The following MDGA2 variants were observed in gnomAD, a reference collection of about 807,000 sequenced individuals.
The protein encoded by MDGA2 is MAM domain containing glycosylphosphatidylinositol anchor 2, also known as MAM domain-containing glycosylphosphatidylinositol anchor protein 2.
A neutral mutation model predicts 117.8 loss-of-function variants in MDGA2; 40 were observed. That is an observed-to-expected ratio of 0.34 (90% confidence interval 0.26 to 0.44). The LOEUF is 0.44. MDGA2 is among the 20% of genes least tolerant of loss of function. MDGA2 has a pLI of 1.00. For synonymous variants in MDGA2, 452 were observed against 439.0 expected (o/e 1.03, Z -0.37); for missense variants, 1,123 against 1,250.6 (o/e 0.90, Z 1.54).
At chr14:47,013,488 C>A (rs10143474) in intron 8 of MDGA2, among the ~76,000 whole-genome samples, 127,983 of 151,584 alleles carry the variant, frequency 0.84, 54,170 homozygotes, top group East Asian at 0.97. Flanking sequence ...TGAATCCCTC[C>A]TCCATAAGGG....
intron 8 of MDGA2, among the ~76,000 whole-genome samples, chr14:46,990,894 ACACACAC>A (rs1887068368): frequency 1.4e-5 from 2 of 139,156 alleles, no homozygotes; most frequent in African/African-American, 5.5e-5. Context: ...ACACACACAC[ACACACAC>A]CCCGCGTAAG....
At chr14:47,194,415 A>T (rs1885215451) in intron 3 of MDGA2, among the ~76,000 whole-genome samples, 1 of 152,048 alleles carries the variant, frequency 6.6e-6, no homozygotes, top group Admixed American at 6.6e-5. Context: ...ATTGTAGTAA[A>T]TTCACCCATT....
chr14:47,297,320 C>T (rs959387351), intron 2 of MDGA2, among the ~76,000 whole-genome samples: 10 of 151,432 alleles, frequency 6.6e-5, no homozygotes, highest in South Asian at 6.3e-4. Context: ...AAATATCCTA[C>T]TGTTTAAGTC....
rs887090772 is a variant in MDGA2 at position 46,983,465 on chromosome 14, T to C, written c.1820-25822A>G. Among the ~76,000 whole-genome samples, 50 of 152,158 alleles carry C rather than the reference T, an allele frequency of 3.3e-4. 1 individual carries two copies. Among genetic ancestry groups the C allele is most frequent in the Non-Finnish European group, 7.4e-5 (5 of 68,004 alleles). Reference sequence around the variant, plus strand: ...CTTTTCTCTGTCAACCGAAATATTCTATTAATAAAATAATGCCTTTAAGTG... The same window carrying C: ...CTTTTCTCTGTCAACCGAAATATTCCATTAATAAAATAATGCCTTTAAGTG... On this transcript the variant is annotated intron_variant, in intron 8 of 16. Coordinates refer to ENST00000399232, the MANE Select transcript of MDGA2 (RefSeq NM_001113498.3).
chr14:46,984,887 T>C (rs1886808129), intron 8 of MDGA2, among the ~76,000 whole-genome samples: 1 of 152,088 alleles, frequency 6.6e-6, no homozygotes, highest in South Asian at 2.1e-4. Context: ...ATAACAGTCA[T>C]TCTAAATTAT....
intron 2 of MDGA2, among the ~76,000 whole-genome samples, chr14:47,243,750 G>T (rs1887147508): frequency 6.6e-6 from 1 of 151,672 alleles, no homozygotes; most frequent in African/African-American, 2.4e-5. Flanking sequence ...TCACCGCGAG[G>T]GTCCGAGGCT....
rs1454132950 is a variant in MDGA2 at position 47,035,151 on chromosome 14, A to T, written c.1679T>A (p.Met560Lys). ...TGTTCCATCATAACTCTCCATTTGC[A>T]TTGATCCATCAGGCATTGCAACTTC... The part of the protein sequence containing the change: ...DKEVAMPDGS[M>K]QMESYDGTLR... Residue 560 changes from methionine to lysine, a missense_variant, in exon 8 of 17, where the codon ATG becomes AAG. Physicochemically the swap from Met to Lys is moderately conservative, Grantham distance 95 (BLOSUM62 -1). Around this residue, in one of 2 missense-constraint regions of MDGA2, gnomAD observed 890 missense variants for 1,050.3 expected, o/e 0.85. Coordinates refer to ENST00000399232, the MANE Select transcript of MDGA2 (RefSeq NM_001113498.3). 6.2e-7 allele frequency: 1 copy of T among 1,614,124 alleles called. No individual in the cohort carries two copies. The highest frequency in any genetic ancestry group is 1.7e-5 in the Admixed American group (1 of 60,024).
intron 9 of MDGA2, among the ~76,000 whole-genome samples, chr14:46,938,569 A>G (rs567261802): frequency 2.8e-4 from 42 of 150,328 alleles, no homozygotes; most frequent in African/African-American, 9.7e-4. Context: ...AAGAGACATC[A>G]TCTGACCCCA....
At chr14:47,639,372 C>G (rs1175384335) in intron 1 of MDGA2, among the ~76,000 whole-genome samples, 1 of 152,154 alleles carries the variant, frequency 6.6e-6, no homozygotes, top group African/African-American at 2.4e-5. Context: ...AACTCTGTCC[C>G]AGACATAGAT....
intron 2 of MDGA2, among the ~76,000 whole-genome samples, chr14:47,262,974 G>A (rs1156236654): frequency 6.6e-6 from 1 of 152,006 alleles, no homozygotes; most frequent in African/African-American, 2.4e-5. Context: ...TAACATTATT[G>A]TGAGTTTTTT....
chr14:47,276,983 A>T (rs1056249329), intron 2 of MDGA2, among the ~76,000 whole-genome samples: 12 of 152,154 alleles, frequency 7.9e-5, no homozygotes, highest in African/African-American at 2.9e-4. Flanking sequence ...ATACCACACC[A>T]CTACCAGCCT....
chr14:47,045,528 C>T (rs148084879), intron 7 of MDGA2, among the ~76,000 whole-genome samples: 2,572 of 151,396 alleles, frequency 0.017, 98 homozygotes, highest in African/African-American at 0.059. Flanking sequence ...CTTTTTTTTT[C>T]TGAAACAACT....
At chr14:46,869,027 C>T (rs1432243837) in intron 14 of MDGA2, among the ~76,000 whole-genome samples, 1 of 151,956 alleles carries the variant, frequency 6.6e-6, no homozygotes. Context: ...TCTAAGCTTA[C>T]CCTTTTTATT....
At chr14:47,062,653 G>C (rs1889930699) in intron 6 of MDGA2, among the ~76,000 whole-genome samples, 1 of 151,792 alleles carries the variant, frequency 6.6e-6, no homozygotes, top group Non-Finnish European at 1.5e-5. Flanking sequence ...TAATGATATT[G>C]TCAAAAATGC....
At chr14:46,962,964 C>A (rs1043781990) in intron 8 of MDGA2, among the ~76,000 whole-genome samples, 1 of 151,982 alleles carries the variant, frequency 6.6e-6, no homozygotes, top group African/African-American at 2.4e-5. Flanking sequence ...TTTTAGAGAA[C>A]AAGAGTGGTC....
At chr14:47,383,717 G>A (rs1036565544) in intron 1 of MDGA2, among the ~76,000 whole-genome samples, 2 of 151,942 alleles carry the variant, frequency 1.3e-5, no homozygotes, top group Non-Finnish European at 2.9e-5. Context: ...TAGAGACAGG[G>A]TTTCACAATG....
At chr14:47,082,310 G>A (rs1260765172) in intron 6 of MDGA2, among the ~76,000 whole-genome samples, 2 of 134,650 alleles carry the variant, frequency 1.5e-5, no homozygotes, top group Non-Finnish European at 3.1e-5. Context: ...ACCTGAACTT[G>A]AGAGATCAAA....
At chr14:47,170,789 T>C (rs1230453464) in intron 3 of MDGA2, among the ~76,000 whole-genome samples, 1 of 152,212 alleles carries the variant, frequency 6.6e-6, no homozygotes, top group African/African-American at 2.4e-5. Context: ...CACATTTCTA[T>C]AGACTAATTT....
chr14:46,940,381 C>T (rs1884951142), intron 9 of MDGA2, among the ~76,000 whole-genome samples: 1 of 152,092 alleles, frequency 6.6e-6, no homozygotes, highest in Admixed American at 6.6e-5. Flanking sequence ...GTAATCCCAG[C>T]ACGTTGGGAG....
Sources: allele counts gnomAD v4.1 joint callset (sites outside exome capture counted in the v4.1 genomes callset), GRCh38; gene constraint gnomAD v4.1.1; regional missense constraint gnomAD v4.1.1; transcripts MANE v1.5; gene names NCBI Gene and HGNC (gene_info 2026-07-23, HGNC 2026-07-21).